Variants in NGEF observed in about 807,000 individuals in gnomAD.
NGEF encodes ephexin-1.
In NGEF, 31 loss-of-function variants were observed where a neutral mutation model predicts 80.9. The ratio of observed to expected loss-of-function variants is 0.38; its 90% CI spans 0.29 to 0.52. NGEF has a LOEUF of 0.52. Ranked by LOEUF, NGEF falls within the 20% of genes least tolerant of loss-of-function variation. The pLI is 0.84. For missense variants in NGEF, 709 were observed against 926.2 expected (o/e 0.77, Z 3.04); for synonymous variants, 371 against 370.2 (o/e 1.00, Z -0.03).
At chr2:233,011,039 G>T (rs1266789831) in intron 1 of NGEF, among the ~76,000 whole-genome samples, 1 of 152,122 alleles carries the variant, frequency 6.6e-6, no homozygotes, top group Non-Finnish European at 1.5e-5. Flanking sequence ...CCCCTGCTCC[G>T]CTGGGCCACG....
intron 1 of NGEF, among the ~76,000 whole-genome samples, chr2:232,993,209 TGCCC>T (rs1694707681): frequency 3.3e-4 from 10 of 30,488 alleles, no homozygotes; most frequent in African/African-American, 9.4e-4. Flanking sequence ...TATATATATT[TGCCC>T]GTATAGATAC....
At chr2:232,894,212 G>GCAGCTCGGCCCAGGCTTCACACAGTCC (rs1691982538) in intron 6 of NGEF, among the ~76,000 whole-genome samples, 1 of 152,218 alleles carries the variant, frequency 6.6e-6, no homozygotes, top group Non-Finnish European at 1.5e-5. Context: ...TTCCTCCGCT[G>GCAGCTCGGCCCAGGCTTCACACAGTCC]CAGCTCGGCC....
intron 5 of NGEF, chr2:232,905,545 G>C (rs1057115550): frequency 3.6e-6 from 1 of 280,284 alleles, no homozygotes; most frequent in Non-Finnish European, 7.2e-6. Context: ...AGTGAGGAGC[G>C]TCTCTGCCTG....
chr2:232,879,643 C>T lies in NGEF; in HGVS notation c.1979G>A (p.Arg660Lys), dbSNP rs370220062. ...AGTCATGGAGCTGGGGAACCAGCCT[C>T]TCTCCTGGTCGTGCAGACGCTCGCC... ...IFGERLHDQE[R>K]GWFPSSMTEE... The change falls in exon 15 of 15, where the codon AGA becomes AAA. Residue 660 changes from arginine to lysine, a missense_variant. Around this residue, in one of 2 missense-constraint regions of NGEF, gnomAD observed 426 missense variants for 622.9 expected, o/e 0.68. Transcript: ENST00000264051. 1.8e-5 allele frequency: 29 copies of T among 1,613,274 alleles called. No individual in the cohort carries two copies. Among genetic ancestry groups the T allele is most frequent in the African/African-American group, 2.7e-5 (2 of 74,948 alleles).
rs541432646 is a variant in NGEF, at chr2:232,905,518, C to T, written c.829-10602G>A. 326 of 285,398 alleles carry T rather than the reference C, an allele frequency of 1.1e-3. 1 individual carries two copies. Among genetic ancestry groups the T allele is most frequent in the African/African-American group, 7.0e-3 (299 of 42,758 alleles). The allele number at this position is 285,398 out of a possible 1,614,324, so 17.7% of individuals were successfully genotyped here. A position where few individuals can be genotyped will look rare whatever the true frequency, so the allele number is the denominator to read the frequency against. The stretch of plus-strand genomic sequence containing the variant: ...GCGGAGATTGCAGCCTCTGCCGGTC[C>T]GCCACCCCGTCTGGGAAGTGAGGAG... On this transcript the variant is annotated intron_variant, in intron 5 of 14. Coordinates refer to ENST00000264051, the MANE Select transcript of NGEF (RefSeq NM_019850.3).
chr2:232,903,058 G>T (rs1233836407), intron 5 of NGEF, among the ~76,000 whole-genome samples: 2 of 152,174 alleles, frequency 1.3e-5, no homozygotes, highest in Non-Finnish European at 2.9e-5. Flanking sequence ...AGAGAAAATA[G>T]CTGGGTAAGG....
At chr2:232,893,204 G>A (rs897250185) in intron 6 of NGEF, among the ~76,000 whole-genome samples, 154 bp from the exon 7 acceptor site, 11 of 152,206 alleles carry the variant, frequency 7.2e-5, no homozygotes, top group Admixed American at 4.6e-4. Context: ...CAGGGGCACC[G>A]AGCACTGGTG....
intron 3 of NGEF, among the ~76,000 whole-genome samples, chr2:232,930,381 G>A (rs561896248): frequency 2.1e-4 from 32 of 151,702 alleles, no homozygotes; most frequent in South Asian, 1.5e-3. Context: ...GTGCAATGGC[G>A]CGATCTCGGC....
At chr2:232,902,399 G>C (rs988594764) in intron 5 of NGEF, among the ~76,000 whole-genome samples, 1 of 152,164 alleles carries the variant, frequency 6.6e-6, no homozygotes, top group African/African-American at 2.4e-5. Flanking sequence ...AGCAGGTCCC[G>C]TGAGCAGCGT....
chr2:232,943,630 G>C (rs1693487295), intron 3 of NGEF, among the ~76,000 whole-genome samples: 1 of 151,308 alleles, frequency 6.6e-6, no homozygotes, highest in Non-Finnish European at 1.5e-5. Context: ...CGAGTAGCTG[G>C]GACTACAGGC....
intron 1 of NGEF, 96 bp from the exon 2 acceptor site, chr2:232,975,060 G>A (rs114795746): frequency 0.014 from 8,937 of 652,516 alleles, 113 homozygotes; most frequent in South Asian, 0.019. Flanking sequence ...TTGATGAAAC[G>A]TGGGATAATC....
At chr2:232,961,558 T>A (rs1272309320) in intron 3 of NGEF, among the ~76,000 whole-genome samples, 4 of 152,102 alleles carry the variant, frequency 2.6e-5, no homozygotes, top group Non-Finnish European at 5.9e-5. Context: ...AGTGGCGCGA[T>A]CTCTGCTCAC....
At chr2:232,898,987 TGTGA>T (rs748435969) in intron 5 of NGEF, among the ~76,000 whole-genome samples, 32 of 152,024 alleles carry the variant, frequency 2.1e-4, no homozygotes, top group South Asian at 6.2e-4. Flanking sequence ...TGTGTGTGAA[TGTGA>T]GTGTGAATGG....
rs572460860 is a variant in NGEF at position 232,918,107 on chromosome 2, C to T, written c.828+2177G>A. Among the ~76,000 whole-genome samples, 15 of 152,242 alleles carry T rather than the reference C, an allele frequency of 9.9e-5. No individual in the cohort carries two copies. In the South Asian group the frequency reaches 2.1e-3, roughly 21 times the overall value. ...TAGAGTAGCTGGGACTACAGGTGGG[C>T]GCCACCACACCCAGCTAATTTTGTA... is the stretch of plus-strand genomic sequence containing the variant. On this transcript the variant is annotated intron_variant, in intron 5 of 14. Transcript: ENST00000264051.
At chr2:232,933,111 AAAATAAATAAATAAATAAAT>A (rs60621174) in intron 3 of NGEF, among the ~76,000 whole-genome samples, 2 of 140,078 alleles carry the variant, frequency 1.4e-5, no homozygotes, top group Admixed American at 1.4e-4. Flanking sequence ...CTCCATCTCA[AAAATAAATAAATAAATAAAT>A]AAATAAATAA....
intron 1 of NGEF, among the ~76,000 whole-genome samples, chr2:232,983,418 T>G (rs896885308): frequency 6.6e-6 from 1 of 151,328 alleles, no homozygotes; most frequent in South Asian, 2.1e-4. Context: ...GTTTGGTGCC[T>G]GAGGGGTGAA....
At chr2:232,923,660 A>C (rs1430214397) in intron 4 of NGEF, among the ~76,000 whole-genome samples, 3 of 151,958 alleles carry the variant, frequency 2.0e-5, no homozygotes, top group Non-Finnish European at 4.4e-5. Flanking sequence ...ACTTGAACCC[A>C]GGGGGTGGAG....
At chr2:232,905,054 G>GCTCTCTC (rs922562074) in intron 5 of NGEF, among the ~76,000 whole-genome samples, 11 of 151,810 alleles carry the variant, frequency 7.2e-5, no homozygotes, top group Admixed American at 2.6e-4. Flanking sequence ...GAGGAAAACA[G>GCTCTCTC]CTCTCTCCTC....
At chr2:232,939,300 C>G (rs534893024) in intron 3 of NGEF, among the ~76,000 whole-genome samples, 1 of 151,710 alleles carries the variant, frequency 6.6e-6, no homozygotes, top group Admixed American at 6.6e-5. Context: ...TAATGTAGTT[C>G]CATATTAGTG....
Sources: gnomAD v4.1 joint callset for allele counts (sites outside exome capture counted in the v4.1 genomes callset) on GRCh38, gnomAD v4.1.1 for gene constraint, gnomAD v4.1.1 regional missense constraint, MANE v1.5 for transcripts, NCBI Gene and HGNC (gene_info 2026-07-23, HGNC 2026-07-21) for gene names.